The following USP54 variants were observed in gnomAD, a reference collection of about 807,000 sequenced individuals.
The protein encoded by USP54 is ubiquitin specific peptidase 54, also known as ubiquitin carboxyl-terminal hydrolase 54.
Under a neutral mutation model 170.5 loss-of-function variants are expected in USP54, and 87 were observed. The ratio of observed to expected loss-of-function variants is 0.51; its 90% CI spans 0.43 to 0.61. USP54 has a LOEUF of 0.61. Among genes scored for constraint, USP54 ranks in the 20% least tolerant of loss-of-function variants. USP54 has a pLI of 0.00. For missense variants in USP54, 1,786 were observed against 2,047.8 expected (o/e 0.87, Z 2.47); for synonymous variants, 655 against 742.8 (o/e 0.88, Z 1.92).
At chr10:73,582,145 G>A (rs879844531) in intron 1 of USP54, among the ~76,000 whole-genome samples, 16 of 152,124 alleles carry the variant, frequency 1.1e-4, no homozygotes, top group South Asian at 4.1e-4. Context: ...CAAAGGAACT[G>A]GCTTGTGCAT....
At chr10:73,621,769 C>G (rs941907427) in intron 1 of USP54, among the ~76,000 whole-genome samples, 2 of 152,116 alleles carry the variant, frequency 1.3e-5, no homozygotes, top group Admixed American at 6.6e-5. Context: ...CAACTATTTT[C>G]CCAAGCATAG....
intron 21 of USP54, 28 bp from the exon 22 acceptor site, chr10:73,505,018 G>A (rs905306627): frequency 4.3e-6 from 7 of 1,613,712 alleles, no homozygotes; most frequent in Non-Finnish European, 5.1e-6. Context: ...CATACAGGCA[G>A]ACACATAATA....
chr10:73,535,501 G>C (rs2065041152), intron 11 of USP54, among the ~76,000 whole-genome samples: 1 of 152,042 alleles, frequency 6.6e-6, no homozygotes, highest in Admixed American at 6.5e-5. Context: ...ATCCAGAAGG[G>C]TAAAATAATA....
At chr10:73,549,648 A>G (rs2068754939) in intron 4 of USP54, among the ~76,000 whole-genome samples, 1 of 152,118 alleles carries the variant, frequency 6.6e-6, no homozygotes, top group Non-Finnish European at 1.5e-5. Context: ...TCTCAAATAT[A>G]TCTAGACCCT....
chr10:73,555,643 A>C (rs1200848310), intron 4 of USP54, among the ~76,000 whole-genome samples: 2 of 152,230 alleles, frequency 1.3e-5, no homozygotes, highest in Admixed American at 6.5e-5. Context: ...TACAGTAGTC[A>C]ATTTACTAAT....
At chr10:73,569,545 G>A (rs554261699) in intron 4 of USP54, among the ~76,000 whole-genome samples, 5 of 152,118 alleles carry the variant, frequency 3.3e-5, no homozygotes, top group African/African-American at 9.6e-5. Flanking sequence ...ACTTTGGGAG[G>A]CCGAGGCGGG....
intron 1 of USP54, among the ~76,000 whole-genome samples, chr10:73,581,680 C>T (rs560125879): frequency 6.8e-4 from 104 of 152,134 alleles, no homozygotes; most frequent in Non-Finnish European, 1.3e-3. Context: ...ATTCAAAAAG[C>T]TACTTTGAAT....
At chr10:73,503,556 ACT>A (rs1238612315) in intron 22 of USP54, among the ~76,000 whole-genome samples, 1 of 152,176 alleles carries the variant, frequency 6.6e-6, no homozygotes, top group Admixed American at 6.5e-5. Context: ...AAGGAAGCCA[ACT>A]CTCCTAGGAA....
At chr10:73,500,449 C>G (rs2057864905) in intron 23 of USP54, among the ~76,000 whole-genome samples, 2 of 152,294 alleles carry the variant, frequency 1.3e-5, no homozygotes, top group South Asian at 4.1e-4. Flanking sequence ...GGGTGCTGGT[C>G]TAAACCCTTG....
chr10:73,608,852 C>T (rs1023834220), intron 1 of USP54, among the ~76,000 whole-genome samples: 10 of 151,974 alleles, frequency 6.6e-5, no homozygotes, highest in Admixed American at 5.3e-4. Flanking sequence ...AGCCAAGATC[C>T]CAAGATCACA....
At position 73,517,391 on chromosome 10, in the gene USP54, A is replaced by G. The variant is rs1471382047; in HGVS notation, c.3035T>C (p.Leu1012Pro). 6.2e-7 allele frequency: 1 copy of G among 1,613,604 alleles called. No homozygotes were observed. Reference protein sequence around the residue: ...SRCDNSSCSKLPPQEGRGIAQ... With the variant: ...SRCDNSSCSKPPPQEGRGIAQ... ...AATGCCTCTTCCTTCTTGTGGAGGG[A>G]GCTTGCTGCAACTGCTGTTGTCACA... The change falls in exon 20 of 24, where the codon CTC (leucine) becomes CCC (proline). Residue 1012 changes from leucine (L) to proline (P), a missense_variant. Leu to Pro is a moderately conservative substitution (Grantham distance 98). Around this residue, in one of 3 missense-constraint regions of USP54, gnomAD observed 1,418 missense variants for 1,569.0 expected, o/e 0.90. Coordinates refer to ENST00000687698, the MANE Select transcript of USP54 (RefSeq NM_001391956.1).
chr10:73,599,700 G>A (rs16930750), intron 1 of USP54, among the ~76,000 whole-genome samples: 7,776 of 152,072 alleles, frequency 0.051, 604 homozygotes, highest in African/African-American at 0.17. Context: ...TTTCCAGTTT[G>A]AAAACAATTA....
intron 4 of USP54, among the ~76,000 whole-genome samples, chr10:73,548,802 A>C (rs2068513633): frequency 6.6e-6 from 1 of 152,204 alleles, no homozygotes; most frequent in Non-Finnish European, 1.5e-5. Context: ...TGGGTGCAGC[A>C]AACCAACACA....
intron 22 of USP54, 104 bp from the exon 23 acceptor site, chr10:73,500,942 C>G: frequency 7.8e-7 from 1 of 1,280,662 alleles, no homozygotes; most frequent in Non-Finnish European, 1.1e-6. Flanking sequence ...TGGAGGGAAC[C>G]AGAGCACAAA....
intron 1 of USP54, among the ~76,000 whole-genome samples, chr10:73,590,413 C>G (rs1256778777): frequency 6.6e-6 from 1 of 152,184 alleles, no homozygotes; most frequent in Non-Finnish European, 1.5e-5. Context: ...TGACTTCTAA[C>G]TAGCAGTAGT....
At chr10:73,569,250 C>A (rs573091328) in intron 4 of USP54, among the ~76,000 whole-genome samples, 15 of 152,208 alleles carry the variant, frequency 9.9e-5, no homozygotes, top group African/African-American at 3.4e-4. Flanking sequence ...GGCTCTAATG[C>A]CATGAATCAG....
intron 4 of USP54, among the ~76,000 whole-genome samples, chr10:73,570,027 GT>G (rs1234186049): frequency 6.9e-6 from 1 of 145,344 alleles, no homozygotes; most frequent in African/African-American, 2.5e-5. Context: ...AAAGTTTTTG[GT>G]TACAGTTCCT....
rs780775051 is a variant in USP54 at position 73,498,984 on chromosome 10, G to A, written c.4700C>T (p.Thr1567Ile). 18 of 1,614,156 alleles carry A rather than the reference G, an allele frequency of 1.1e-5. No individual in the cohort carries two copies. Among genetic ancestry groups the A allele is most frequent in the Non-Finnish European group, 1.4e-5 (17 of 1,180,034 alleles). ...LTTPGCNPQL[T>I]YTATLPERSK... The stretch of plus-strand genomic sequence containing the variant: ...TCTTTCTGGTAGTGTGGCAGTGTAG[G>A]TTAGTTGAGGATTGCACCCTGGAGT... The change falls in exon 24 of 24, where the codon ACC (threonine) becomes ATC (isoleucine). Residue 1567 changes from threonine to isoleucine, a missense_variant. By Grantham distance (89) the Thr-to-Ile change is moderately conservative. Transcript: ENST00000687698.
chr10:73,575,361 G>T (rs2075973234), intron 3 of USP54, 151 bp downstream of exon 3: 3 of 882,504 alleles, frequency 3.4e-6, no homozygotes, highest in South Asian at 3.1e-5. Context: ...AAAGTGACTT[G>T]CCAAAGATCA....
Sources: gnomAD v4.1 joint callset for allele counts (sites outside exome capture counted in the v4.1 genomes callset) on GRCh38, gnomAD v4.1.1 for gene constraint, gnomAD v4.1.1 regional missense constraint, MANE v1.5 for transcripts, NCBI Gene and HGNC (gene_info 2026-07-23, HGNC 2026-07-21) for gene names.